The following SRPK1 variants were observed in gnomAD, a reference collection of about 807,000 sequenced individuals.
The protein encoded by SRPK1 is SRSF protein kinase 1.
Under a neutral mutation model 89.5 loss-of-function variants are expected in SRPK1, and 52 were observed. That is an observed-to-expected ratio of 0.58 (90% CI 0.46 to 0.73). The LOEUF is 0.73. Among genes scored for constraint, SRPK1 ranks in the 30% least tolerant of loss-of-function variants. The pLI, the probability that SRPK1 is intolerant of heterozygous loss-of-function variation, is 0.00. For missense variants in SRPK1, 603 were observed against 780.6 expected (o/e 0.77, Z 2.71); for synonymous variants, 255 against 270.2 (o/e 0.94, Z 0.55).
chr6:35,899,431 G>A (rs1770696754), intron 2 of SRPK1, among the ~76,000 whole-genome samples: 1 of 152,108 alleles, frequency 6.6e-6, no homozygotes, highest in Non-Finnish European at 1.5e-5. Flanking sequence ...TCAGCACTTG[G>A]CATTTTATTG....
intron 2 of SRPK1, among the ~76,000 whole-genome samples, chr6:35,902,969 G>A (rs1306138501): frequency 1.3e-5 from 2 of 152,098 alleles, no homozygotes; most frequent in Non-Finnish European, 2.9e-5. Context: ...ATAAGCTGAA[G>A]AGTAGCACAA....
intron 2 of SRPK1, among the ~76,000 whole-genome samples, chr6:35,898,747 T>C (rs1221480789): frequency 6.6e-6 from 1 of 151,648 alleles, no homozygotes; most frequent in African/African-American, 2.4e-5. Context: ...AGTTAATTTA[T>C]CATATTATCA....
At chr6:35,886,971 C>A (rs1300768218) in intron 5 of SRPK1, among the ~76,000 whole-genome samples, 160 bp from the exon 6 acceptor site, 1 of 152,162 alleles carries the variant, frequency 6.6e-6, no homozygotes, top group Non-Finnish European at 1.5e-5. Flanking sequence ...GGAGAAAAAT[C>A]TTAAATAGTC....
rs746828274 is a variant in SRPK1, at chr6:35,886,793, T to C, written c.409A>G (p.Asn137Asp). 16 of 1,610,588 alleles carry C rather than the reference T, an allele frequency of 9.9e-6. No individual in the cohort carries two copies. The highest frequency in any genetic ancestry group is 3.3e-5 in the Admixed American group (2 of 59,946). ...LLKSVRNSDPNDPNREMVVQL... is the reference protein window; with the variant it reads ...LLKSVRNSDPDDPNREMVVQL... ...ACAACCATTTCTCTATTTGGATCAT[T>C]AGGGTCTGAATTGCGAACCTGTAGT... Residue 137 changes from asparagine to aspartate, a missense_variant, in exon 6 of 16, where the codon AAT becomes GAT. By Grantham distance (23) the Asn-to-Asp change is conservative. Transcript: ENST00000373825.
intron 6 of SRPK1, among the ~76,000 whole-genome samples, chr6:35,882,565 G>A (rs2127254161): frequency 6.6e-6 from 1 of 152,092 alleles, no homozygotes; most frequent in East Asian, 1.9e-4. Flanking sequence ...AAGGTGCTGG[G>A]ATTATAGGCA....
chr6:35,889,156 A>G (rs1174574923), intron 3 of SRPK1, among the ~76,000 whole-genome samples: 1 of 152,210 alleles, frequency 6.6e-6, no homozygotes, highest in Non-Finnish European at 1.5e-5. Context: ...GATTGAGCCT[A>G]CAACAGTCTC....
At chr6:35,858,346 A>G (rs531579065) in intron 12 of SRPK1, among the ~76,000 whole-genome samples, 3 of 152,206 alleles carry the variant, frequency 2.0e-5, no homozygotes, top group African/African-American at 7.2e-5. Flanking sequence ...CACCTAAAAA[A>G]AAAAAATTAA....
At chr6:35,860,546 A>G (rs1769760081) in intron 12 of SRPK1, among the ~76,000 whole-genome samples, 1 of 152,200 alleles carries the variant, frequency 6.6e-6, no homozygotes, top group Non-Finnish European at 1.5e-5. Flanking sequence ...ACGGTGTGAT[A>G]CTTGTTACAG....
rs3213580 is a variant in SRPK1, at chr6:35,842,726, T to A, written c.1621-122A>T. 0.27 allele frequency: 104,595 copies of A among 380,446 alleles called. 10,007 individuals carry two copies. The highest frequency in any genetic ancestry group is 0.35 in the South Asian group (3,725 of 10,574). 23.6% of individuals were successfully genotyped at this position (380,446 alleles called of 1,614,324 possible). ...CCCTTGGGAAAACTTATAGATCATT[T>A]AAAAAAAAAAAAAAACAAAAACTTA... On this transcript the variant is annotated intron_variant, in intron 13 of 15. Coordinates refer to ENST00000373825, the MANE Select transcript of SRPK1 (RefSeq NM_003137.5).
chr6:35,907,640 GGTTGCAGTGAGCCGA>G (rs1177312266), intron 2 of SRPK1, among the ~76,000 whole-genome samples: 3 of 152,176 alleles, frequency 2.0e-5, no homozygotes, highest in African/African-American at 7.2e-5. Context: ...GGGAGGCGGG[GGTTGCAGTGAGCCGA>G]GATTGCACCA....
At chr6:35,890,863 A>T (rs1227013045) in intron 3 of SRPK1, 32 bp downstream of exon 3, 1 of 1,518,394 alleles carries the variant, frequency 6.6e-7, no homozygotes, top group Middle Eastern at 2.2e-4. Flanking sequence ...TAGATGGCTC[A>T]TGTCTCACTT....
rs144190771 is a variant in SRPK1 at position 35,910,030 on chromosome 6, C to T, written c.74+10438G>A. Among the ~76,000 whole-genome samples the T allele has an allele frequency of 4.9e-3, 737 of 151,910 alleles. 5 individuals carry two copies. The highest frequency in any genetic ancestry group is 0.017 in the African/African-American group (695 of 41,412). On this transcript the variant is annotated intron_variant, in intron 2 of 15. Transcript: ENST00000373825. Reference sequence around the variant, plus strand: ...TGGAGTTTCGCTCTTATTGCTCAGGCTAGAGTGCAATGGCATGATCTCAGC... The same window carrying T: ...TGGAGTTTCGCTCTTATTGCTCAGGTTAGAGTGCAATGGCATGATCTCAGC...
Position 35,874,336 on chromosome 6 carries a change from A to G in SRPK1, c.482T>C (p.Ile161Thr), listed in dbSNP as rs1770108506. The change falls in exon 7 of 16, where the codon ATC becomes ACC. Residue 161 changes from isoleucine to threonine, a missense_variant. Physicochemically the swap from Ile to Thr is moderately conservative, Grantham distance 89. Transcript: ENST00000373825. ...FKISGVNGTHICMVFEVLGHH... is the reference protein window; with the variant it reads ...FKISGVNGTHTCMVFEVLGHH... ...CCCCAAAACTTCAAATACCATGCAG[A>G]TATCTAGGAATTCATTAAGGAGGGA... 2.5e-6 allele frequency: 4 copies of G among 1,609,590 alleles called. No individual in the cohort carries two copies. The highest frequency in any genetic ancestry group is 3.4e-6 in the Non-Finnish European group (4 of 1,177,090).
At chr6:35,905,753 A>C (rs1240708434) in intron 2 of SRPK1, among the ~76,000 whole-genome samples, 1 of 152,248 alleles carries the variant, frequency 6.6e-6, no homozygotes, top group Non-Finnish European at 1.5e-5. Context: ...AAAGAAAATG[A>C]GCAATCATGA....
At position 35,842,473 on chromosome 6, in the gene SRPK1, T is replaced by G. The variant is rs577467321; in HGVS notation, c.1690+62A>C. 1.1e-4 allele frequency: 146 copies of G among 1,329,148 alleles called. 1 individual carries two copies. In the East Asian group the frequency reaches 3.1e-3, roughly 28 times the overall value. The allele number at this position is 1,329,148 out of a possible 1,614,324, so 82.3% of individuals were successfully genotyped here. A position where few individuals can be genotyped will look rare whatever the true frequency, so the allele number is the denominator to read the frequency against. ...AAGGCTCTTCGGTACTAACAAATGA[T>G]GTTAGCTTAATGTGGAAAGTGTAAA... On this transcript the variant is annotated intron_variant, in intron 14 of 15. Transcript: ENST00000373825.
At chr6:35,890,609 A>T (rs948061003) in intron 3 of SRPK1, among the ~76,000 whole-genome samples, 1 of 152,270 alleles carries the variant, frequency 6.6e-6, no homozygotes, top group Admixed American at 6.5e-5. Flanking sequence ...GGCTGATAGC[A>T]TTGCAGAAGT....
chr6:35,898,784 C>T (rs183535746), intron 2 of SRPK1, among the ~76,000 whole-genome samples: 1 of 152,170 alleles, frequency 6.6e-6, no homozygotes, highest in South Asian at 2.1e-4. Context: ...AGCATGCCTT[C>T]TTCTCTGTTT....
chr6:35,856,260 G>A (rs1475722978), intron 13 of SRPK1, among the ~76,000 whole-genome samples: 1 of 151,774 alleles, frequency 6.6e-6, no homozygotes, highest in Admixed American at 6.6e-5. Context: ...AATGTGCCAG[G>A]AGGGTGAAAG....
chr6:35,843,094 G>A (rs189469037), intron 13 of SRPK1, among the ~76,000 whole-genome samples: 4,347 of 151,234 alleles, frequency 0.029, 83 homozygotes, highest in Non-Finnish European at 0.043. Flanking sequence ...TCAGCCTCCC[G>A]AGTAGCTGGG....
Sources: allele counts gnomAD v4.1 joint callset (sites outside exome capture counted in the v4.1 genomes callset), GRCh38; gene constraint gnomAD v4.1.1; transcripts MANE v1.5; gene names NCBI Gene and HGNC (gene_info 2026-07-23, HGNC 2026-07-21).